The following PGCKA1 variants were observed in gnomAD, a reference collection of about 807,000 sequenced individuals.
The protein encoded by PGCKA1 is PDCD10 and GCKIII kinases associated 1.
the PGCKA1 span, among the ~76,000 whole-genome samples, chr4:37,519,581 T>C: frequency 1.3e-5 from 2 of 152,196 alleles, no homozygotes; most frequent in African/African-American, 4.8e-5. Flanking sequence ...TGTTGGCGTA[T>C]GAAAATGCTA....
At chr4:37,523,002 T>G in the PGCKA1 span, among the ~76,000 whole-genome samples, 1 of 152,148 alleles carries the variant, frequency 6.6e-6, no homozygotes. Flanking sequence ...TGTCTCAGTA[T>G]GTCAGGTGCC....
At chr4:37,463,762 T>C in the PGCKA1 span, among the ~76,000 whole-genome samples, 1 of 150,024 alleles carries the variant, frequency 6.7e-6, no homozygotes, top group South Asian at 2.1e-4. Flanking sequence ...TGAATCTGCC[T>C]AGATTCAAAG....
chr4:37,467,112 A>G, the PGCKA1 span, among the ~76,000 whole-genome samples: 1 of 152,150 alleles, frequency 6.6e-6, no homozygotes, highest in Admixed American at 6.5e-5. Context: ...AAAGAAGTAC[A>G]GTATGTAGAT....
the PGCKA1 span, among the ~76,000 whole-genome samples, chr4:37,542,198 A>G: frequency 6.6e-6 from 1 of 152,172 alleles, no homozygotes; most frequent in South Asian, 2.1e-4. Flanking sequence ...TTCTAAGGGC[A>G]TACTTAAATT....
At chr4:37,571,894 A>T in the PGCKA1 span, among the ~76,000 whole-genome samples, 1 of 151,892 alleles carries the variant, frequency 6.6e-6, no homozygotes, top group African/African-American at 2.4e-5. Flanking sequence ...GGCCTCCCAA[A>T]GTGCTGGGAT....
the PGCKA1 span, among the ~76,000 whole-genome samples, chr4:37,481,592 A>G: frequency 8.0e-5 from 12 of 150,642 alleles, no homozygotes; most frequent in African/African-American, 2.5e-4. Context: ...GACTCTTCAC[A>G]TGGTTATCCC....
the PGCKA1 span, among the ~76,000 whole-genome samples, chr4:37,561,206 T>A: frequency 5.3e-5 from 8 of 152,056 alleles, no homozygotes. Flanking sequence ...AAAGCCCAAT[T>A]CCCTCCTTCC....
chr4:37,562,927 A>G, the PGCKA1 span, among the ~76,000 whole-genome samples: 1 of 152,174 alleles, frequency 6.6e-6, no homozygotes, highest in Non-Finnish European at 1.5e-5. Context: ...CAATTAGCAG[A>G]GTGTCTTACC....
the PGCKA1 span, among the ~76,000 whole-genome samples, chr4:37,533,117 A>T: frequency 7.5e-6 from 1 of 134,126 alleles, no homozygotes; most frequent in African/African-American, 2.6e-5. Context: ...TAGAAATTTA[A>T]AAATTAAAAC....
chr4:37,572,755 A>G, the PGCKA1 span, among the ~76,000 whole-genome samples: 3 of 152,224 alleles, frequency 2.0e-5, no homozygotes, highest in East Asian at 5.8e-4. Flanking sequence ...ATACCTGAAG[A>G]TAATTTTATA....
the PGCKA1 span, among the ~76,000 whole-genome samples, chr4:37,535,460 G>A: frequency 6.6e-6 from 1 of 152,140 alleles, no homozygotes; most frequent in Non-Finnish European, 1.5e-5. Context: ...ATTTACAGAT[G>A]GAGTGGGGGG....
At chr4:37,584,185 A>C in the PGCKA1 span, 1 of 152,250 alleles carries the variant, frequency 6.6e-6, no homozygotes, top group Non-Finnish European at 1.5e-5. Context: ...ACAGGCATGC[A>C]GGGGTTGGGT....
the PGCKA1 span, among the ~76,000 whole-genome samples, chr4:37,572,048 C>CTTTTTT: frequency 5.4e-5 from 6 of 111,670 alleles, no homozygotes; most frequent in East Asian, 2.7e-4. Flanking sequence ...AACTTCACAC[C>CTTTTTT]TTTTTTTTTT....
At chr4:37,520,878 A>G in the PGCKA1 span, among the ~76,000 whole-genome samples, 1 of 152,208 alleles carries the variant, frequency 6.6e-6, no homozygotes, top group African/African-American at 2.4e-5. Flanking sequence ...CAGCCTCCCA[A>G]AGTGCTGGGA....
chr4:37,538,067 T>A, the PGCKA1 span, among the ~76,000 whole-genome samples: 1 of 150,102 alleles, frequency 6.7e-6, no homozygotes, highest in African/African-American at 2.5e-5. Context: ...CACAACCCTG[T>A]CACACACACA....
At chr4:37,582,826 GA>G in the PGCKA1 span, among the ~76,000 whole-genome samples, 1 of 149,314 alleles carries the variant, frequency 6.7e-6, no homozygotes, top group Admixed American at 6.6e-5. Flanking sequence ...ATATGGGGGG[GA>G]GCTACTTTAA....
At chr4:37,516,182 TA>T in the PGCKA1 span, among the ~76,000 whole-genome samples, 3 of 152,332 alleles carry the variant, frequency 2.0e-5, no homozygotes, top group South Asian at 6.2e-4. Flanking sequence ...CCGTAAAGGC[TA>T]AAGGAAGAGT....
chr4:37,542,571 G>A, the PGCKA1 span, among the ~76,000 whole-genome samples: 11 of 152,090 alleles, frequency 7.2e-5, no homozygotes, highest in African/African-American at 2.4e-4. Context: ...CTGTAATGAG[G>A]AACATGTTCT....
the PGCKA1 span, among the ~76,000 whole-genome samples, chr4:37,530,447 G>A: frequency 9.9e-5 from 15 of 151,976 alleles, no homozygotes; most frequent in Admixed American, 5.9e-4. Flanking sequence ...GGTGGCGCAC[G>A]CCTGTAGTTC....
Sources: allele counts gnomAD v4.1 joint callset (sites outside exome capture counted in the v4.1 genomes callset), GRCh38; gene constraint gnomAD v4.1.1; transcripts MANE v1.5; gene names NCBI Gene and HGNC (gene_info 2026-07-23, HGNC 2026-07-21).